The following SLC35A1 variants were observed in gnomAD, a reference collection of about 807,000 sequenced individuals.
SLC35A1 encodes the protein CMP-sialic acid transporter.
Under a neutral mutation model 40.3 loss-of-function variants are expected in SLC35A1, and 21 were observed. That is an observed-to-expected ratio of 0.52 (90% CI 0.37 to 0.75). SLC35A1 has a LOEUF of 0.75. Among genes scored for constraint, SLC35A1 ranks in the 30% least tolerant of loss-of-function variants. SLC35A1 has a pLI of 0.00. For synonymous variants in SLC35A1, 146 were observed against 147.3 expected, an observed-to-expected ratio of 0.99 and a Z score of 0.06; for missense variants, 297 against 382.1, an observed-to-expected ratio of 0.78 and a Z score of 1.86.
intron 1 of SLC35A1, among the ~76,000 whole-genome samples, chr6:87,476,506 C>A (rs1748371401): frequency 6.6e-6 from 1 of 152,188 alleles, no homozygotes; most frequent in Non-Finnish European, 1.5e-5. Flanking sequence ...GGGTGGATCA[C>A]CTGAGGTCAG....
At chr6:87,478,941 A>G (rs952671981) in intron 2 of SLC35A1, among the ~76,000 whole-genome samples, 7 of 152,048 alleles carry the variant, frequency 4.6e-5, no homozygotes, top group South Asian at 2.1e-4. Context: ...TCGTTCCCCT[A>G]TTGGCTAGGG....
At chr6:87,509,432 G>A (rs1056100363) in intron 7 of SLC35A1, among the ~76,000 whole-genome samples, 18 of 152,062 alleles carry the variant, frequency 1.2e-4, no homozygotes, top group Admixed American at 1.2e-3. Context: ...GACTTTTTTT[G>A]CAGTCAAGGC....
chr6:87,509,275 T>C, intron 7 of SLC35A1, 100 bp downstream of exon 7: 1 of 1,439,516 alleles, frequency 6.9e-7, no homozygotes, highest in Non-Finnish European at 9.7e-7. Context: ...TCATACTGTT[T>C]ACAGAAATTC....
intron 4 of SLC35A1, among the ~76,000 whole-genome samples, chr6:87,505,946 A>G (rs757854126): frequency 9.2e-5 from 14 of 152,212 alleles, no homozygotes; most frequent in Non-Finnish European, 1.9e-4. Flanking sequence ...TAAATTGGGG[A>G]GTCTTAAGAG....
At chr6:87,494,976 CT>C (rs570511585) in intron 2 of SLC35A1, among the ~76,000 whole-genome samples, 1,722 of 146,768 alleles carry the variant, frequency 0.012, 28 homozygotes, top group African/African-American at 0.04. Context: ...ACAAAGTCAA[CT>C]TTTTTTTTTT....
In SLC35A1 at chr6:87,477,498, A is replaced by G; in HGVS notation, c.153A>G (p.Thr51=). 6.2e-7 allele frequency: 1 copy of G among 1,614,120 alleles called. No individual in the cohort carries two copies. The highest frequency in any genetic ancestry group is 8.5e-7 in the Non-Finnish European group (1 of 1,179,970). ...TTTCAACCACAGCCGTGTGTATCAC[A>G]GAAGTTATAAAGTTATTGCTAAGTG... ...LYFSTTAVCI[T]EVIKLLLSVG... The change falls in exon 2 of 8, where the codon ACA becomes ACG. Residue 51 remains threonine (T), a synonymous_variant. Coordinates refer to ENST00000369552, the MANE Select transcript of SLC35A1 (RefSeq NM_006416.5).
intron 2 of SLC35A1, among the ~76,000 whole-genome samples, chr6:87,477,906 G>A (rs1357806999): frequency 6.6e-6 from 1 of 152,204 alleles, no homozygotes; most frequent in African/African-American, 2.4e-5. Flanking sequence ...GTGTAATGGA[G>A]ACTGACTGGC....
rs751031317 is a variant in SLC35A1, at chr6:87,509,030, C to G, written c.752-11C>G. ...TTGAGTGATAAGATTTTATTTCTCT[C>G]TGTATACAAGTTCTTGCAAGTGTTG... On this transcript the variant is annotated splice_polypyrimidine_tract_variant and intron_variant, in intron 6 of 7. Transcript: ENST00000369552. The G allele has an allele frequency of 2.5e-6, 4 of 1,613,724 alleles. No individual in the cohort carries two copies. Among genetic ancestry groups the G allele is most frequent in the African/African-American group, 1.3e-5 (1 of 75,008 alleles).
At chr6:87,478,653 G>A (rs529320244) in intron 2 of SLC35A1, among the ~76,000 whole-genome samples, 14 of 152,312 alleles carry the variant, frequency 9.2e-5, no homozygotes, top group South Asian at 4.1e-4. Context: ...GAAAGATACC[G>A]AGTGAAAGTG....
chr6:87,509,901 TA>T (rs1176453166), intron 7 of SLC35A1, among the ~76,000 whole-genome samples: 1 of 152,222 alleles, frequency 6.6e-6, no homozygotes, highest in Admixed American at 6.5e-5. Flanking sequence ...ATTATTATAA[TA>T]TAAACCAATG....
chr6:87,495,748 C>T (rs947946093), intron 2 of SLC35A1, among the ~76,000 whole-genome samples: 3 of 151,828 alleles, frequency 2.0e-5, no homozygotes, highest in South Asian at 2.1e-4. Context: ...CTGTGCCTCC[C>T]GGGTTCATGC....
At chr6:87,481,095 A>C (rs1769229391) in intron 2 of SLC35A1, among the ~76,000 whole-genome samples, 1 of 152,210 alleles carries the variant, frequency 6.6e-6, no homozygotes, top group Admixed American at 6.5e-5. Flanking sequence ...TATATAATTT[A>C]TGAGAAACTG....
intron 2 of SLC35A1, among the ~76,000 whole-genome samples, chr6:87,494,765 T>C (rs1053322806): frequency 6.6e-6 from 1 of 152,168 alleles, no homozygotes; most frequent in Non-Finnish European, 1.5e-5. Flanking sequence ...AAGCTATAAT[T>C]TGGTTGAAAG....
chr6:87,486,986 G>T (rs1173868440), intron 2 of SLC35A1, among the ~76,000 whole-genome samples: 1 of 152,060 alleles, frequency 6.6e-6, no homozygotes, highest in African/African-American at 2.4e-5. Context: ...AGACCAGCCT[G>T]GCCAACATGG....
chr6:87,489,213 T>C (rs529609114), intron 2 of SLC35A1, among the ~76,000 whole-genome samples: 13 of 152,336 alleles, frequency 8.5e-5, no homozygotes, highest in African/African-American at 2.6e-4. Flanking sequence ...CCAAAACTTA[T>C]ATTGAAATTC....
chr6:87,498,858 ATTAGT>A (rs369201033), intron 2 of SLC35A1, among the ~76,000 whole-genome samples: 1 of 152,352 alleles, frequency 6.6e-6, no homozygotes, highest in East Asian at 1.9e-4. Flanking sequence ...AAAGGCAAAC[ATTAGT>A]TTAAAGAGCC....
intron 7 of SLC35A1, among the ~76,000 whole-genome samples, chr6:87,510,965 A>G (rs749107468): frequency 3.6e-4 from 55 of 151,772 alleles, no homozygotes; most frequent in Non-Finnish European, 1.8e-4. Flanking sequence ...GAAATTATCA[A>G]TGGTTTGAAT....
intron 2 of SLC35A1, among the ~76,000 whole-genome samples, chr6:87,491,537 C>T (rs568564421): frequency 6.6e-6 from 1 of 152,158 alleles, no homozygotes; most frequent in Admixed American, 6.5e-5. Flanking sequence ...AGCACAGTGG[C>T]GTTGTTAGAC....
At chr6:87,491,348 T>TA (rs1313238935) in intron 2 of SLC35A1, among the ~76,000 whole-genome samples, 1 of 152,214 alleles carries the variant, frequency 6.6e-6, no homozygotes, top group Non-Finnish European at 1.5e-5. Flanking sequence ...GCTGAAACTA[T>TA]TATTTCCTCT....
Sources: gnomAD v4.1 joint callset for allele counts (sites outside exome capture counted in the v4.1 genomes callset) on GRCh38, gnomAD v4.1.1 for gene constraint, MANE v1.5 for transcripts, NCBI Gene and HGNC (gene_info 2026-07-23, HGNC 2026-07-21) for gene names.